The following RERE variants were observed in gnomAD, a reference collection of about 807,000 sequenced individuals.
The protein encoded by RERE is arginine-glutamic acid dipeptide repeats protein.
In RERE, 40 loss-of-function variants were observed where a neutral mutation model predicts 146.1. The ratio of observed to expected loss-of-function variants is 0.27; its 90% CI spans 0.21 to 0.36. The LOEUF (loss-of-function observed/expected upper bound fraction) is 0.36. RERE is among the 10% of genes least tolerant of loss of function. The pLI is 1.00. For synonymous variants in RERE, 1,003 were observed against 866.0 expected (o/e 1.16, Z -2.78); for missense variants, 1,933 against 2,138.7 (o/e 0.90, Z 1.90).
At chr1:8,422,943 A>C (rs901438164) in intron 11 of RERE, 136 bp from the exon 12 acceptor site, 1 of 667,416 alleles carries the variant, frequency 1.5e-6, no homozygotes, top group African/African-American at 1.8e-5. Context: ...AGGCTCGGAG[A>C]GTATGTCAGC....
chr1:8,399,444 G>A (rs1251926401), intron 12 of RERE, among the ~76,000 whole-genome samples: 2 of 152,046 alleles, frequency 1.3e-5, no homozygotes, highest in Non-Finnish European at 2.9e-5. Flanking sequence ...TGAATAATTG[G>A]TTAGTTCCCC....
chr1:8,495,202 A>AT, intron 9 of RERE, 40 bp from the exon 10 acceptor site: 9 of 1,440,052 alleles, frequency 6.2e-6, no homozygotes, highest in South Asian at 2.3e-5. Flanking sequence ...GTACATAGTA[A>AT]TATCAGGACA....
chr1:8,644,354 C>A (rs72639676), intron 2 of RERE, among the ~76,000 whole-genome samples: 2 of 152,210 alleles, frequency 1.3e-5, no homozygotes, highest in Non-Finnish European at 2.9e-5. Flanking sequence ...GTGGTTGGAA[C>A]GGTCAGTAGT....
At chr1:8,413,980 G>A (rs1046873372) in intron 12 of RERE, among the ~76,000 whole-genome samples, 5 of 149,854 alleles carry the variant, frequency 3.3e-5, no homozygotes, top group Admixed American at 6.7e-5. Flanking sequence ...GCTTGAACCC[G>A]GGAGACGGAG....
At chr1:8,689,773 GAA>G (rs370873260) in intron 1 of RERE, among the ~76,000 whole-genome samples, 6 of 127,802 alleles carry the variant, frequency 4.7e-5, no homozygotes, top group Admixed American at 7.9e-5. Flanking sequence ...ATGGATACAG[GAA>G]AAAAAAAAAA....
chr1:8,437,166 G>A (rs1387510352), intron 11 of RERE, among the ~76,000 whole-genome samples: 1 of 152,136 alleles, frequency 6.6e-6, no homozygotes, highest in Non-Finnish European at 1.5e-5. Context: ...CCAAACAAGG[G>A]AAACTGAAGA....
At chr1:8,475,380 A>G (rs1400608708) in intron 10 of RERE, among the ~76,000 whole-genome samples, 1 of 150,816 alleles carries the variant, frequency 6.6e-6, no homozygotes, top group Non-Finnish European at 1.5e-5. Flanking sequence ...TCTTAAAAAA[A>G]AAAAAAAAAA....
At chr1:8,515,977 G>A (rs1288230654) in intron 7 of RERE, among the ~76,000 whole-genome samples, 1 of 151,932 alleles carries the variant, frequency 6.6e-6, no homozygotes, top group Admixed American at 6.6e-5. Flanking sequence ...AGCACTTTGG[G>A]AGGCTGAGGT....
intron 8 of RERE, among the ~76,000 whole-genome samples, chr1:8,503,208 T>C (rs1034771043): frequency 2.0e-5 from 3 of 152,272 alleles, no homozygotes; most frequent in African/African-American, 7.2e-5. Flanking sequence ...TCTATCATAC[T>C]GACATAAAGC....
intron 1 of RERE, among the ~76,000 whole-genome samples, chr1:8,696,239 G>A (rs1023774874): frequency 1.3e-5 from 2 of 152,112 alleles, no homozygotes; most frequent in South Asian, 2.1e-4. Flanking sequence ...ACATGCACTC[G>A]TATGTTCATC....
At chr1:8,531,249 C>T (rs1276926045) in intron 7 of RERE, among the ~76,000 whole-genome samples, 1 of 152,030 alleles carries the variant, frequency 6.6e-6, no homozygotes, top group Non-Finnish European at 1.5e-5. Context: ...TTGAGACCAG[C>T]CTGGCCAATG....
At chr1:8,644,171 C>G (rs1026500318) in intron 2 of RERE, among the ~76,000 whole-genome samples, 1 of 152,246 alleles carries the variant, frequency 6.6e-6, no homozygotes, top group Non-Finnish European at 1.5e-5. Context: ...TTAGCCCCAT[C>G]ATGTGCAGGC....
At chr1:8,407,115 T>C (rs1643467054) in intron 12 of RERE, among the ~76,000 whole-genome samples, 1 of 152,234 alleles carries the variant, frequency 6.6e-6, no homozygotes, top group Non-Finnish European at 1.5e-5. Flanking sequence ...AAACCCTCTG[T>C]GGTACAGGCT....
At chr1:8,639,177 G>A (rs560737883) in intron 2 of RERE, among the ~76,000 whole-genome samples, 3 of 152,106 alleles carry the variant, frequency 2.0e-5, no homozygotes, top group Admixed American at 6.5e-5. Context: ...AATGGACCAC[G>A]CTTAATCATT....
At chr1:8,448,492 C>T (rs988230445) in intron 11 of RERE, among the ~76,000 whole-genome samples, 3 of 152,164 alleles carry the variant, frequency 2.0e-5, no homozygotes, top group Non-Finnish European at 2.9e-5. Flanking sequence ...GGCGCAGTGG[C>T]TCACGCCTGT....
intron 1 of RERE, among the ~76,000 whole-genome samples, chr1:8,790,092 C>T (rs746205350): frequency 8.9e-4 from 135 of 152,248 alleles, no homozygotes; most frequent in Non-Finnish European, 1.7e-3. Flanking sequence ...ACACACCTCC[C>T]ACACCTGTTG....
At chr1:8,426,574 G>C (rs1265296009) in intron 11 of RERE, among the ~76,000 whole-genome samples, 1 of 151,852 alleles carries the variant, frequency 6.6e-6, no homozygotes, top group Non-Finnish European at 1.5e-5. Flanking sequence ...CCCCCATCCA[G>C]CCATTTAAAA....
chr1:8,524,306 T>C (rs945251307), intron 7 of RERE, among the ~76,000 whole-genome samples: 1 of 152,204 alleles, frequency 6.6e-6, no homozygotes, highest in Non-Finnish European at 1.5e-5. Flanking sequence ...ATCTCCTTAG[T>C]TGCAATCCCA....
intron 7 of RERE, among the ~76,000 whole-genome samples, chr1:8,535,585 T>C (rs1211731749): frequency 6.6e-6 from 1 of 152,224 alleles, no homozygotes; most frequent in African/African-American, 2.4e-5. Flanking sequence ...GCACACAGTA[T>C]TCTAACTACC....
Sources: gnomAD v4.1 joint callset for allele counts (sites outside exome capture counted in the v4.1 genomes callset) on GRCh38, gnomAD v4.1.1 for gene constraint, MANE v1.5 for transcripts, NCBI Gene and HGNC (gene_info 2026-07-23, HGNC 2026-07-21) for gene names.